ZNF76: variants seen among roughly 807,000 people sequenced by gnomAD.
ZNF76 encodes zinc finger protein 76, also known as zinc finger protein 523.
Under a neutral mutation model 66.9 loss-of-function variants are expected in ZNF76, and 66 were observed. That is an observed-to-expected ratio of 0.99 (90% CI 0.81 to 1.21). ZNF76 has a LOEUF of 1.21. Ranked by LOEUF, ZNF76 falls within the 50% of genes most tolerant of loss-of-function variation. The probability of loss-of-function intolerance (pLI) is 0.00; values close to 1 mark genes in which losing one functional copy is unlikely to be tolerated. For synonymous variants in ZNF76, 275 were observed against 296.1 expected, an observed-to-expected ratio of 0.93 and a Z score of 0.73; for missense variants, 729 against 760.3, an observed-to-expected ratio of 0.96 and a Z score of 0.48.
At position 35,294,492 on chromosome 6, in the gene ZNF76, G is replaced by T. The variant is rs777954668; in HGVS notation, c.1531G>T (p.Asp511Tyr). 1.1e-5 allele frequency: 18 copies of T among 1,613,956 alleles called. No homozygotes were observed. In the East Asian group the frequency reaches 3.8e-4, roughly 34 times the overall value. ...IITSGAVVAE[D>Y]SSVASLRHQQ... The stretch of plus-strand genomic sequence containing the variant: ...TACCTCTGGGGCTGTGGTGGCTGAG[G>T]ACTCAAGTGTAGCATCTCTTCGTCA... The change falls in exon 13 of 14, where the codon GAC becomes TAC. Residue 511 changes from aspartate (D) to tyrosine (Y), a missense_variant. Coordinates refer to ENST00000373953, the MANE Select transcript of ZNF76 (RefSeq NM_003427.5).
chr6:35,277,689 G>A (rs1257692854), intron 1 of ZNF76, among the ~76,000 whole-genome samples: 1 of 152,218 alleles, frequency 6.6e-6, no homozygotes, highest in East Asian at 1.9e-4. Context: ...CTAGCACGTG[G>A]TTAACTCTAT....
chr6:35,293,086 T>C (rs1790667877), intron 11 of ZNF76, 42 bp downstream of exon 11: 1 of 1,595,776 alleles, frequency 6.3e-7, no homozygotes, highest in Non-Finnish European at 8.5e-7. Context: ...TAGCTGGCAC[T>C]CTCCACTCTC....
At chr6:35,291,174 C>T (rs2150374781) in intron 7 of ZNF76, 104 bp from the exon 8 acceptor site, 3 of 1,465,514 alleles carry the variant, frequency 2.0e-6, no homozygotes, top group East Asian at 5.0e-5. Context: ...CAGACATGGG[C>T]TTCTTGAGCC....
chr6:35,265,657 C>A (rs1785932632), intron 1 of ZNF76, among the ~76,000 whole-genome samples: 2 of 152,084 alleles, frequency 1.3e-5, no homozygotes, highest in Admixed American at 6.6e-5. Flanking sequence ...AAGCATACAT[C>A]TAGGGGAAAT....
rs181353333 is a variant in ZNF76, at chr6:35,271,678, A to G, written c.-96-9378A>G. Among the ~76,000 whole-genome samples the G allele has an allele frequency of 2.0e-5, 3 of 151,568 alleles. No individual in the cohort carries two copies. In the East Asian group the frequency reaches 5.8e-4, roughly 29 times the overall value. ...GAGCGAGACTCCGTCTCAAAAAAAA[A>G]AAAAAAGAAAAAAAAATATATATAG... On this transcript the variant is annotated intron_variant, in intron 1 of 13. Transcript: ENST00000373953.
At chr6:35,294,836 G>A in intron 13 of ZNF76, 1 of 569,630 alleles carries the variant, frequency 1.8e-6, no homozygotes, top group South Asian at 2.0e-5. Context: ...TTGTGTCTCT[G>A]TTTCTTCATC....
intron 1 of ZNF76, among the ~76,000 whole-genome samples, chr6:35,264,460 G>C (rs1249477166): frequency 6.6e-6 from 1 of 152,190 alleles, no homozygotes; most frequent in African/African-American, 2.4e-5. Context: ...GTGGGTTGCA[G>C]AGACGATTAA....
Position 35,295,187 on chromosome 6 carries a change from C to T in ZNF76, c.1652C>T (p.Thr551Ile). ...QTLEEAINVATAAMQQGAVTL... is the reference protein window; with the variant it reads ...QTLEEAINVAIAAMQQGAVTL... ...TTAGAGGAGGCCATCAATGTGGCCACTGCGGCCATGCAGCAAGGGGCTGTG... is the reference window on the plus strand; with the variant it reads ...TTAGAGGAGGCCATCAATGTGGCCATTGCGGCCATGCAGCAAGGGGCTGTG... The change falls in exon 14 of 14, where the codon ACT becomes ATT. Residue 551 changes from threonine to isoleucine, a missense_variant. Transcript: ENST00000373953. 1 of 1,612,656 alleles carries T rather than the reference C, an allele frequency of 6.2e-7. No homozygotes were observed. Among genetic ancestry groups the T allele is most frequent in the African/African-American group, 1.3e-5 (1 of 75,040 alleles).
At chr6:35,270,923 A>C (rs1017399262) in intron 1 of ZNF76, among the ~76,000 whole-genome samples, 2 of 152,172 alleles carry the variant, frequency 1.3e-5, no homozygotes, top group African/African-American at 2.4e-5. Context: ...CAGAGGTTGC[A>C]GTGAGCCAAG....
At chr6:35,272,501 G>GTA (rs1562095974) in intron 1 of ZNF76, among the ~76,000 whole-genome samples, 22 of 77,352 alleles carry the variant, frequency 2.8e-4, no homozygotes, top group Admixed American at 6.3e-4. Flanking sequence ...GTGTGTGTGT[G>GTA]TGTGTGTGTG....
chr6:35,269,921 C>G (rs1786756410), intron 1 of ZNF76, among the ~76,000 whole-genome samples: 1 of 152,122 alleles, frequency 6.6e-6, no homozygotes, highest in African/African-American at 2.4e-5. Flanking sequence ...TATAGAATGG[C>G]CTCCATGAAT....
At chr6:35,263,982 C>T (rs1327086445) in intron 1 of ZNF76, among the ~76,000 whole-genome samples, 1 of 152,122 alleles carries the variant, frequency 6.6e-6, no homozygotes, top group Admixed American at 6.5e-5. Flanking sequence ...AACTCCTGAC[C>T]TCAGGTGATC....
intron 2 of ZNF76, among the ~76,000 whole-genome samples, chr6:35,283,947 A>T (rs1789150406): frequency 6.6e-6 from 1 of 152,158 alleles, no homozygotes; most frequent in South Asian, 2.1e-4. Context: ...GTTTGGGAGC[A>T]AGTTTGGGGA....
At chr6:35,279,998 A>AT (rs71002551) in intron 1 of ZNF76, among the ~76,000 whole-genome samples, 97,942 of 146,358 alleles carry the variant, frequency 0.67, 34,754 homozygotes, top group South Asian at 0.8. Context: ...CACCTGGCTA[A>AT]TTTTTTTTTT....
intron 1 of ZNF76, among the ~76,000 whole-genome samples, chr6:35,272,912 G>A (rs1366780123): frequency 1.3e-5 from 2 of 152,094 alleles, no homozygotes; most frequent in Non-Finnish European, 2.9e-5. Context: ...CCAGCACTTT[G>A]GGAGGCTAAG....
In ZNF76 at chr6:35,295,582, G is replaced by A. The variant is rs1057288707; in HGVS notation, c.*334G>A. The A allele has an allele frequency of 2.7e-6, 1 of 365,074 alleles. No homozygotes were observed. Among genetic ancestry groups the A allele is most frequent in the Non-Finnish European group, 5.4e-6 (1 of 185,990 alleles). The allele number at this position is 365,074 out of a possible 1,614,324, so 22.6% of individuals were successfully genotyped here. Reference sequence around the variant, plus strand: ...CAGTCTGTTCCCCTTCTCAGGTAGAGATTGGGGCTGCTATGGGGACTGGCC... The same window carrying A: ...CAGTCTGTTCCCCTTCTCAGGTAGAAATTGGGGCTGCTATGGGGACTGGCC... On this transcript the variant is annotated 3_prime_UTR_variant, in exon 14 of 14. Transcript: ENST00000373953.
At position 35,294,522 on chromosome 6, in the gene ZNF76, CAGGTGGCACTGTTGGCCACAGCCA is replaced by C. The variant is rs758098507; in HGVS notation, c.1563_1586del (p.Gln521_Asn529delinsHis). ...AAGTGTAGCATCTCTTCGTCATCAA[CAGGTGGCACTGTTGGCCACAGCCA>C]ACGGAACGCACATTGCAGTGCAGGT... is the stretch of plus-strand genomic sequence containing the variant. On this transcript the variant is annotated inframe_deletion, in exon 13 of 14. Transcript: ENST00000373953. 5.0e-6 allele frequency: 8 copies of C among 1,614,130 alleles called. No homozygotes were observed. Among genetic ancestry groups the C allele is most frequent in the Non-Finnish European group, 5.9e-6 (7 of 1,180,026 alleles).
intron 1 of ZNF76, among the ~76,000 whole-genome samples, chr6:35,277,629 A>G (rs1788109520): frequency 6.6e-6 from 1 of 152,158 alleles, no homozygotes; most frequent in Non-Finnish European, 1.5e-5. Flanking sequence ...TAATCATAGC[A>G]TTTGATTGTA....
intron 5 of ZNF76, 35 bp from the exon 6 acceptor site, chr6:35,290,231 G>A: frequency 6.2e-7 from 1 of 1,612,442 alleles, no homozygotes; most frequent in Non-Finnish European, 8.5e-7. Flanking sequence ...TCACTGGGGA[G>A]AATACATATA....
Sources: allele counts gnomAD v4.1 joint callset (sites outside exome capture counted in the v4.1 genomes callset), GRCh38; gene constraint gnomAD v4.1.1; transcripts MANE v1.5; gene names NCBI Gene and HGNC (gene_info 2026-07-23, HGNC 2026-07-21).